The following PLA2G10 variants were observed in gnomAD, a reference collection of about 807,000 sequenced individuals.
The protein encoded by PLA2G10 is phospholipase A2 group X, also known as group 10 secretory phospholipase A2.
A neutral mutation model predicts 7.9 loss-of-function variants in PLA2G10; 9 were observed. That is an observed-to-expected ratio of 1.14 (90% confidence interval 0.68 to 1.98). The LOEUF is 1.98. Among genes scored for constraint, PLA2G10 ranks in the 30% most tolerant of loss-of-function variants. PLA2G10 has a pLI of 0.00. For synonymous variants in PLA2G10, 19 were observed against 27.5 expected (o/e 0.69, Z 0.97); for missense variants, 53 against 65.4 (o/e 0.81, Z 0.66).
chr16:14,672,664 T>C lies in PLA2G10; in HGVS notation c.441A>G (p.Leu147=). 2 of 1,614,140 alleles carry C rather than the reference T, an allele frequency of 1.2e-6. No homozygotes were observed. The highest frequency in any genetic ancestry group is 1.7e-6 in the Non-Finnish European group (2 of 1,179,982). The change falls in exon 4 of 4, where the codon TTA becomes TTG. Residue 147 remains leucine (L), a synonymous_variant. Coordinates refer to ENST00000438167, the MANE Select transcript of PLA2G10 (RefSeq NM_003561.3). ...ANCLAQTEYN[L]KYLFYPQFLC... Reference sequence around the variant, plus strand: ...GGAACTGGGGGTAGAAGAGGTACTTTAAGTTGTACTCAGTTTGGGCTAAGC... The same window carrying C: ...GGAACTGGGGGTAGAAGAGGTACTTCAAGTTGTACTCAGTTTGGGCTAAGC...
chr16:14,686,750 C>A (rs552506294), intron 3 of PLA2G10, among the ~76,000 whole-genome samples: 1 of 152,044 alleles, frequency 6.6e-6, no homozygotes, highest in Non-Finnish European at 1.5e-5. Flanking sequence ...CTGCCTTGGC[C>A]TCCCAAAGTG....
At chr16:14,680,613 T>C (rs2151851526) in intron 3 of PLA2G10, among the ~76,000 whole-genome samples, 1 of 152,206 alleles carries the variant, frequency 6.6e-6, no homozygotes, top group South Asian at 2.1e-4. Context: ...ACTTCTGTCT[T>C]GGCCTCCCAA....
chr16:14,678,190 G>A (rs912090801), intron 3 of PLA2G10, among the ~76,000 whole-genome samples: 1 of 152,126 alleles, frequency 6.6e-6, no homozygotes, highest in African/African-American at 2.4e-5. Flanking sequence ...GCTGGCTGAA[G>A]GCCGGCTGTC....
In PLA2G10 at chr16:14,693,318, T is replaced by TGA. The variant is rs1317055416; in HGVS notation, c.97+814_97+815insTC. On this transcript the variant is annotated intron_variant, in intron 1 of 3. Coordinates refer to ENST00000438167, the MANE Select transcript of PLA2G10 (RefSeq NM_003561.3). ...GTGTGTCTGTGCTGCTCTGTGTGTG[T>TGA]GTGTGTGTGTGTGTGTGTGTGTGTG... Among the ~76,000 whole-genome samples, 2 of 30,084 alleles carry TGA rather than the reference T, an allele frequency of 6.6e-5. 1 individual carries two copies. Among genetic ancestry groups the TGA allele is most frequent in the African/African-American group, 2.3e-4 (2 of 8,620 alleles). The allele number at this position is 30,084 out of a possible 152,430, so 19.7% of individuals were successfully genotyped here.
At chr16:14,681,468 G>C (rs1364106096) in intron 3 of PLA2G10, among the ~76,000 whole-genome samples, 2 of 151,864 alleles carry the variant, frequency 1.3e-5, no homozygotes, top group Admixed American at 6.6e-5. Context: ...TCCGCCAACA[G>C]CAAGACCTGG....
chr16:14,682,473 A>C (rs1960920169), intron 3 of PLA2G10, among the ~76,000 whole-genome samples: 1 of 151,882 alleles, frequency 6.6e-6, no homozygotes, highest in Non-Finnish European at 1.5e-5. Flanking sequence ...TACTCAGAAG[A>C]CTGAGGCATG....
At chr16:14,677,051 AC>A (rs1253140203) in intron 3 of PLA2G10, among the ~76,000 whole-genome samples, 1 of 152,166 alleles carries the variant, frequency 6.6e-6, no homozygotes, top group African/African-American at 2.4e-5. Flanking sequence ...CTCAGATTTC[AC>A]CACTATACAA....
intron 3 of PLA2G10, among the ~76,000 whole-genome samples, chr16:14,681,075 A>G (rs1960877255): frequency 6.6e-6 from 1 of 151,818 alleles, no homozygotes; most frequent in South Asian, 2.1e-4. Context: ...GAGGCAGGAG[A>G]ATGGCTTGAA....
rs201336845 is a variant in PLA2G10 at position 14,687,328 on chromosome 16, AT to A, written c.355+836del. Among the ~76,000 whole-genome samples, 806 of 136,282 alleles carry A rather than the reference AT, an allele frequency of 5.9e-3. 1 individual carries two copies. The highest frequency in any genetic ancestry group is 0.012 in the African/African-American group (468 of 37,504). 89.4% of individuals were successfully genotyped at this position (136,282 alleles called of 152,430 possible). ...CTTTAGAAGTGGTTGGTTAGGTAAA[AT>A]TTTTTTTTTTTTTTTTTGAGACTGG... On this transcript the variant is annotated intron_variant, in intron 3 of 3. Coordinates refer to ENST00000438167, the MANE Select transcript of PLA2G10 (RefSeq NM_003561.3).
chr16:14,678,376 C>T (rs1259734026), intron 3 of PLA2G10, among the ~76,000 whole-genome samples: 1 of 152,200 alleles, frequency 6.6e-6, no homozygotes, highest in Non-Finnish European at 1.5e-5. Flanking sequence ...CAAGCCACCT[C>T]TCTCCAAGAC....
chr16:14,673,342 T>C (rs548895816), intron 3 of PLA2G10, among the ~76,000 whole-genome samples: 53 of 151,494 alleles, frequency 3.5e-4, no homozygotes, highest in Non-Finnish European at 4.7e-4. Flanking sequence ...ACGACTTCAT[T>C]TGGGGATTCC....
In PLA2G10 at chr16:14,693,281, A is replaced by G. The variant is rs1439479215; in HGVS notation, c.97+852T>C. 1.2e-4 allele frequency among the ~76,000 whole-genome samples: 2 copies of G among 17,058 alleles called. 1 individual carries two copies. The highest frequency in any genetic ancestry group is 2.6e-4 in the Non-Finnish European group (2 of 7,634). 11.2% of individuals were successfully genotyped at this position (17,058 alleles called of 152,430 possible). A position where few individuals can be genotyped will look rare whatever the true frequency, so the allele number is the denominator to read the frequency against. On this transcript the variant is annotated intron_variant, in intron 1 of 3. Coordinates refer to ENST00000438167, the MANE Select transcript of PLA2G10 (RefSeq NM_003561.3). ...TGTCCATCCTGTGACCCCAGGGTCTATGCGCACATATGTGTGTCTGTGCTG... is the reference window on the plus strand; with the variant it reads ...TGTCCATCCTGTGACCCCAGGGTCTGTGCGCACATATGTGTGTCTGTGCTG...
intron 3 of PLA2G10, among the ~76,000 whole-genome samples, chr16:14,676,593 C>T (rs533286362): frequency 3.7e-4 from 56 of 152,274 alleles, no homozygotes; most frequent in African/African-American, 1.3e-3. Context: ...GCAGGAGAAT[C>T]GCTTGAACCC....
chr16:14,680,222 T>G (rs1960851743), intron 3 of PLA2G10, among the ~76,000 whole-genome samples: 1 of 149,260 alleles, frequency 6.7e-6, no homozygotes, highest in Admixed American at 6.8e-5. Flanking sequence ...TGCCTCAACC[T>G]CCCGAATAGC....
At chr16:14,687,729 C>G (rs1176077828) in intron 3 of PLA2G10, among the ~76,000 whole-genome samples, 3,992 of 149,768 alleles carry the variant, frequency 0.027, 130 homozygotes, top group Admixed American at 0.074. Context: ...AGACACCATG[C>G]CTCACGCCTG....
intron 3 of PLA2G10, chr16:14,678,535 G>A (rs1960789576): frequency 1.3e-5 from 3 of 231,574 alleles, no homozygotes; most frequent in South Asian, 4.3e-5. Context: ...TTGGGAGGCC[G>A]AGGTAGGTGG....
At chr16:14,682,831 G>A (rs1960929615) in intron 3 of PLA2G10, among the ~76,000 whole-genome samples, 1 of 152,170 alleles carries the variant, frequency 6.6e-6, no homozygotes, top group Non-Finnish European at 1.5e-5. Context: ...CACTTTGGGA[G>A]GCCGAGGTGG....
chr16:14,681,021 C>T (rs1597011479), intron 3 of PLA2G10, among the ~76,000 whole-genome samples: 1 of 151,828 alleles, frequency 6.6e-6, no homozygotes, highest in Non-Finnish European at 1.5e-5. Context: ...AAAAAATTAG[C>T]TGGGTATGGT....
intron 3 of PLA2G10, among the ~76,000 whole-genome samples, chr16:14,686,938 T>A (rs561565731): frequency 6.6e-6 from 1 of 151,948 alleles, no homozygotes; most frequent in African/African-American, 2.4e-5. Flanking sequence ...AAACCTCATC[T>A]CTACTAAAAA....
Sources: allele counts gnomAD v4.1 joint callset (sites outside exome capture counted in the v4.1 genomes callset), GRCh38; gene constraint gnomAD v4.1.1; transcripts MANE v1.5; gene names NCBI Gene and HGNC (gene_info 2026-07-23, HGNC 2026-07-21).